Variants in PAFAH1B2 observed in about 807,000 individuals in gnomAD.
The protein encoded by PAFAH1B2 is platelet-activating factor acetylhydrolase IB subunit alpha2.
A neutral mutation model predicts 28.0 loss-of-function variants in PAFAH1B2; 8 were observed. The ratio of observed to expected loss-of-function variants is 0.29; its 90% CI spans 0.17 to 0.52. The LOEUF (loss-of-function observed/expected upper bound fraction) is 0.52. Ranked by LOEUF, PAFAH1B2 falls within the 20% of genes least tolerant of loss-of-function variation. PAFAH1B2 has a pLI of 0.97. For synonymous variants in PAFAH1B2, 104 were observed against 103.2 expected, an observed-to-expected ratio of 1.01 and a Z score of -0.05; for missense variants, 190 against 282.6, an observed-to-expected ratio of 0.67 and a Z score of 2.35.
In PAFAH1B2 at chr11:117,170,584, TC is replaced by T. The variant is rs1424398009; in HGVS notation, c.*2886del. Reference sequence around the variant, plus strand: ...AGAAACCTTAACCCAACAAAACAAATCTTGAGTAGCTCATGCCCGGCTCTTA... The same window carrying T: ...AGAAACCTTAACCCAACAAAACAAATTTGAGTAGCTCATGCCCGGCTCTTA... On this transcript the variant is annotated 3_prime_UTR_variant, in exon 6 of 6. Transcript: ENST00000527958. 9.6e-7 allele frequency: 1 copy of T among 1,040,858 alleles called. No homozygotes were observed. Among genetic ancestry groups the T allele is most frequent in the African/African-American group, 1.8e-5 (1 of 56,220 alleles). 64.5% of individuals were successfully genotyped at this position (1,040,858 alleles called of 1,614,324 possible). A position where few individuals can be genotyped will look rare whatever the true frequency, so the allele number is the denominator to read the frequency against.
rs1565275087 is a variant in PAFAH1B2, at chr11:117,168,451, T to TTG, written c.*753_*754insGT. ...TTCATTCCCCCCGCCACCCCGTTTT[T>TTG]TTTTTTTTTTTTTTTTTTTTGGTTC... On this transcript the variant is annotated 3_prime_UTR_variant, in exon 6 of 6. Transcript: ENST00000527958. 1 of 751,110 alleles carries TTG rather than the reference T, an allele frequency of 1.3e-6. No homozygotes were observed. 46.5% of individuals were successfully genotyped at this position (751,110 alleles called of 1,614,324 possible).
chr11:117,167,726 C>T lies in PAFAH1B2; in HGVS notation c.*27C>T, dbSNP rs1208768780. 7 of 1,488,720 alleles carry T rather than the reference C, an allele frequency of 4.7e-6. No individual in the cohort carries two copies. Among genetic ancestry groups the T allele is most frequent in the Admixed American group, 2.2e-5 (1 of 45,384 alleles). The allele number at this position is 1,488,720 out of a possible 1,614,324, so 92.2% of individuals were successfully genotyped here. On this transcript the variant is annotated 3_prime_UTR_variant, in exon 6 of 6. Coordinates refer to ENST00000527958, the MANE Select transcript of PAFAH1B2 (RefSeq NM_002572.4). ...TGGCTCTTATCAGTGTTAATAGCAT[C>T]TCAGCTTCCTCAGATCAGTTCTATC...
downstream of PAFAH1B2, chr11:117,175,203 C>T (rs112799692): frequency 2.0e-3 from 2,197 of 1,107,534 alleles, 3 homozygotes; most frequent in Non-Finnish European, 2.3e-3. Context: ...CCAGGGAATG[C>T]GGTAGCTGGA....
intron 4 of PAFAH1B2, among the ~76,000 whole-genome samples, chr11:117,162,870 G>A (rs531614256): frequency 4.6e-5 from 7 of 152,118 alleles, no homozygotes; most frequent in Admixed American, 6.5e-5. Flanking sequence ...GTGTCACCCA[G>A]GCTGGAGTGC....
intron 1 of PAFAH1B2, among the ~76,000 whole-genome samples, chr11:117,146,943 G>T (rs1956025482): frequency 6.6e-6 from 1 of 151,584 alleles, no homozygotes. Context: ...TTCAGTCTGG[G>T]CATCAGAGTG....
downstream of PAFAH1B2, chr11:117,175,876 A>G (rs2029951536): frequency 1.3e-6 from 2 of 1,533,844 alleles, no homozygotes; most frequent in Non-Finnish European, 8.7e-7. Flanking sequence ...AGCCTGGGCA[A>G]TGTATCACGA....
Position 117,168,613 on chromosome 11 carries a change from G to A in PAFAH1B2, c.*914G>A. 5 of 1,063,456 alleles carry A rather than the reference G, an allele frequency of 4.7e-6. No individual in the cohort carries two copies. The highest frequency in any genetic ancestry group is 5.7e-6 in the Non-Finnish European group (5 of 878,374). The allele number at this position is 1,063,456 out of a possible 1,614,324, so 65.9% of individuals were successfully genotyped here. A position where few individuals can be genotyped will look rare whatever the true frequency, so the allele number is the denominator to read the frequency against. On this transcript the variant is annotated 3_prime_UTR_variant, in exon 6 of 6. Transcript: ENST00000527958. Reference sequence around the variant, plus strand: ...TGTGGTGTTCTGTGCTATAGATTCTGTGTATTGCTGTTCATATTCGGAGTT... The same window carrying A: ...TGTGGTGTTCTGTGCTATAGATTCTATGTATTGCTGTTCATATTCGGAGTT...
downstream of PAFAH1B2, among the ~76,000 whole-genome samples, chr11:117,172,371 TATATATATATATATATATATATATATATA>T (rs1565278659): frequency 5.4e-3 from 16 of 2,990 alleles, no homozygotes; most frequent in African/African-American, 0.016. Context: ...TATATATATA[TATATATATATATATATATATATATATATA>T]TATATTTTTT....
rs763239057 is a variant in PAFAH1B2 at position 117,159,942 on chromosome 11, A to G, written c.90A>G (p.Arg30=). ...GDDRWMSQHN[R]FVLDCKDKEP... ...TTTCTTCTTCAAACCAGCACAACAG[A>G]TTTGTTTTGGACTGTAAAGACAAAG... Residue 30 remains arginine (R), a synonymous_variant, in exon 3 of 6, where the codon AGA becomes AGG. Transcript: ENST00000527958. 5 of 1,612,784 alleles carry G rather than the reference A, an allele frequency of 3.1e-6. No individual in the cohort carries two copies. Among genetic ancestry groups the G allele is most frequent in the African/African-American group, 1.3e-5 (1 of 74,910 alleles).
chr11:117,174,209 A>G (rs1375654459), downstream of PAFAH1B2, among the ~76,000 whole-genome samples: 1 of 71,218 alleles, frequency 1.4e-5, no homozygotes, highest in Admixed American at 1.4e-4. Flanking sequence ...TGTGTGTGGC[A>G]GTTTCACTCT....
intron 1 of PAFAH1B2, among the ~76,000 whole-genome samples, chr11:117,152,133 CAT>C (rs757179691): frequency 3.9e-5 from 6 of 152,118 alleles, no homozygotes; most frequent in Non-Finnish European, 7.4e-5. Context: ...CTTACAGTAA[CAT>C]ATAATCACAA....
chr11:117,173,260 T>A (rs973540718), downstream of PAFAH1B2, among the ~76,000 whole-genome samples: 1 of 152,190 alleles, frequency 6.6e-6, no homozygotes, highest in Non-Finnish European at 1.5e-5. Context: ...AGCCCAGTTT[T>A]AGGAAATGGA....
chr11:117,144,473 G>C (rs113560866), intron 1 of PAFAH1B2, 55 bp downstream of exon 1: 40,787 of 253,618 alleles, frequency 0.16, 3,605 homozygotes, highest in African/African-American at 0.21. Context: ...GGGTCGGAAG[G>C]GGCTGCGAGG....
downstream of PAFAH1B2, among the ~76,000 whole-genome samples, chr11:117,172,818 C>G (rs887003984): frequency 6.6e-6 from 1 of 152,166 alleles, no homozygotes; most frequent in African/African-American, 2.4e-5. Context: ...GTTCATGTGC[C>G]TCAGCCTACT....
intron 4 of PAFAH1B2, among the ~76,000 whole-genome samples, chr11:117,161,512 G>GTT (rs35812569): frequency 0.022 from 3,162 of 144,476 alleles, 53 homozygotes; most frequent in African/African-American, 0.045. Flanking sequence ...TGAAGGAAGA[G>GTT]TTTTTTTTTT....
At chr11:117,153,514 C>A (rs1322320702) in intron 2 of PAFAH1B2, among the ~76,000 whole-genome samples, 2 of 152,086 alleles carry the variant, frequency 1.3e-5, no homozygotes, top group Non-Finnish European at 2.9e-5. Context: ...TCTTAGCCTC[C>A]CAAGTAGCTG....
At position 117,168,841 on chromosome 11, in the gene PAFAH1B2, G is replaced by T. The variant is rs1008001928; in HGVS notation, c.*1142G>T. On this transcript the variant is annotated 3_prime_UTR_variant, in exon 6 of 6. Coordinates refer to ENST00000527958, the MANE Select transcript of PAFAH1B2 (RefSeq NM_002572.4). ...GGAGTTTCACTGTTGCCCAGGCTGG[G>T]GTGCAATGGTGTGATCTTGGCTCAC... 5.9e-5 allele frequency: 41 copies of T among 691,300 alleles called. No homozygotes were observed. The Admixed American group carries it at 2.3e-3, about 39-fold the overall frequency. 42.8% of individuals were successfully genotyped at this position (691,300 alleles called of 1,614,324 possible).
intron 1 of PAFAH1B2, among the ~76,000 whole-genome samples, chr11:117,149,342 C>T (rs891780498): frequency 1.4e-4 from 21 of 151,338 alleles, no homozygotes; most frequent in African/African-American, 5.1e-4. Flanking sequence ...CTCGGCCTCC[C>T]AAAGTGCTGA....
intron 1 of PAFAH1B2, among the ~76,000 whole-genome samples, chr11:117,147,097 C>T (rs1956030040): frequency 6.6e-6 from 1 of 151,998 alleles, no homozygotes; most frequent in Admixed American, 6.6e-5. Flanking sequence ...GATGAAACCC[C>T]GTCTTCACTA....
Sources: allele counts gnomAD v4.1 joint callset (sites outside exome capture counted in the v4.1 genomes callset), GRCh38; gene constraint gnomAD v4.1.1; transcripts MANE v1.5; gene names NCBI Gene and HGNC (gene_info 2026-07-23, HGNC 2026-07-21).